Variants in ZNF791 observed in about 807,000 individuals in gnomAD.
The protein encoded by ZNF791 is zinc finger protein 791.
A neutral mutation model predicts 11.5 loss-of-function variants in ZNF791; 4 were observed. The observed-to-expected ratio is 0.35, with a 90% CI of 0.17 to 0.80. ZNF791 has a LOEUF of 0.80. Among genes scored for constraint, ZNF791 ranks in the 30% least tolerant of loss-of-function variants. ZNF791 has a pLI of 0.53. For synonymous variants in ZNF791, 212 were observed against 228.1 expected, an observed-to-expected ratio of 0.93 and a Z score of 0.64; for missense variants, 559 against 699.4, an observed-to-expected ratio of 0.80 and a Z score of 2.26.
intron 1 of ZNF791, among the ~76,000 whole-genome samples, chr19:12,622,319 CCT>C (rs2023363001): frequency 7.0e-6 from 1 of 141,952 alleles, no homozygotes; most frequent in Admixed American, 7.3e-5. Flanking sequence ...GTCAAATCCC[CCT>C]CTGTGAGAAA....
At chr19:12,611,365 G>C (rs2023153527) in intron 1 of ZNF791, among the ~76,000 whole-genome samples, 1 of 152,166 alleles carries the variant, frequency 6.6e-6, no homozygotes, top group African/African-American at 2.4e-5. Context: ...CTACAGTCTG[G>C]GGTTCCCAGT....
At chr19:12,612,330 TTACCG>T (rs1419832349) in intron 1 of ZNF791, 1 of 159,988 alleles carries the variant, frequency 6.3e-6, no homozygotes, top group Non-Finnish European at 1.3e-5. Context: ...TGAGCTACTA[TTACCG>T]GCCCAACATT....
chr19:12,613,497 C>T (rs969829396), intron 1 of ZNF791, among the ~76,000 whole-genome samples: 35 of 152,030 alleles, frequency 2.3e-4, no homozygotes, highest in African/African-American at 7.2e-4. Context: ...AGGAGAATGG[C>T]GTGGACCTGG....
At chr19:12,614,537 G>A (rs1440319223) in intron 1 of ZNF791, among the ~76,000 whole-genome samples, 2 of 151,418 alleles carry the variant, frequency 1.3e-5, no homozygotes, top group Non-Finnish European at 2.9e-5. Context: ...ACGCCAGGCC[G>A]GGGTTACGTT....
At chr19:12,621,713 T>TGGGG (rs1568288228) in intron 1 of ZNF791, among the ~76,000 whole-genome samples, 22 of 76,190 alleles carry the variant, frequency 2.9e-4, no homozygotes, top group South Asian at 6.3e-4. Context: ...AACCTCCACC[T>TGGGG]CGGTGGGGGG....
rs77716960 is a variant in ZNF791 at position 12,619,191 on chromosome 19, A to C, written c.4-4509A>C. ...ATGCTAGTATCTGAAGCTGCAGGCT[A>C]TCCGTTCCAATGGTTGTGGTGTTTA... On this transcript the variant is annotated intron_variant, in intron 1 of 3. Transcript: ENST00000343325. Among the ~76,000 whole-genome samples the C allele has an allele frequency of 9.2e-5, 14 of 152,196 alleles. No homozygotes were observed. The East Asian group carries it at 2.3e-3, about 25-fold the overall frequency.
chr19:12,624,514 C>T (rs1442466229), intron 2 of ZNF791, 136 bp from the exon 3 acceptor site: 3 of 647,990 alleles, frequency 4.6e-6, no homozygotes, highest in East Asian at 3.2e-5. Flanking sequence ...ATCACTGTTC[C>T]GAGATTTGGA....
chr19:12,624,653 A>G lies in ZNF791; in HGVS notation c.134A>G (p.Glu45Gly), dbSNP rs750019634. Reference protein sequence around the residue: ...ETFKNLASIGEKWEDPNVEDQ... With the variant: ...ETFKNLASIGGKWEDPNVEDQ... ...TTATTCTTGATCTACATTTTAGGGG[A>G]AAAATGGGAAGACCCGAATGTTGAA... Residue 45 changes from glutamate (E) to glycine (G), a missense_variant, in exon 3 of 4, where the codon GAA becomes GGA. Glu to Gly is a moderately conservative substitution (Grantham distance 98). Transcript: ENST00000343325. 1.9e-6 allele frequency: 3 copies of G among 1,600,462 alleles called. No individual in the cohort carries two copies. Among genetic ancestry groups the G allele is most frequent in the Middle Eastern group, 1.7e-4 (1 of 5,804 alleles).
intron 1 of ZNF791, among the ~76,000 whole-genome samples, chr19:12,611,743 G>A (rs548216254): frequency 6.6e-6 from 1 of 152,086 alleles, no homozygotes; most frequent in African/African-American, 2.4e-5. Context: ...CCTCATCCTG[G>A]TACCTTTCCA....
chr19:12,633,769 A>T lies in ZNF791; in HGVS notation c.*4509A>T, dbSNP rs952434641. On this transcript the variant is annotated 3_prime_UTR_variant, in exon 4 of 4. Coordinates refer to ENST00000343325, the MANE Select transcript of ZNF791 (RefSeq NM_153358.3). ...GTATGGTTCTTGTTCTGTTAATGCC[A>T]CTAGGGACTATGTATTCCTGATTCC... is the stretch of plus-strand genomic sequence containing the variant. 1 of 151,842 alleles carries T rather than the reference A, an allele frequency of 6.6e-6. No homozygotes were observed. The highest frequency in any genetic ancestry group is 1.5e-5 in the Non-Finnish European group (1 of 68,024). 9.4% of individuals were successfully genotyped at this position (151,842 alleles called of 1,614,324 possible). A position where few individuals can be genotyped will look rare whatever the true frequency, so the allele number is the denominator to read the frequency against.
intron 1 of ZNF791, among the ~76,000 whole-genome samples, chr19:12,615,030 T>TC: frequency 7.9e-6 from 1 of 127,354 alleles, no homozygotes; most frequent in Middle Eastern, 3.8e-3. Context: ...TTTTTTTTTT[T>TC]TTTTTTTGAG....
At chr19:12,614,900 T>TA (rs1470272640) in intron 1 of ZNF791, among the ~76,000 whole-genome samples, 8 of 112,600 alleles carry the variant, frequency 7.1e-5, no homozygotes, top group South Asian at 2.8e-4. Flanking sequence ...GCCTTTTTTT[T>TA]TTTTTTTTTT....
At chr19:12,614,950 C>T (rs1313549193) in intron 1 of ZNF791, among the ~76,000 whole-genome samples, 1 of 114,282 alleles carries the variant, frequency 8.8e-6, no homozygotes, top group Non-Finnish European at 1.7e-5. Context: ...CACTCTGTTG[C>T]CCAAGCTGGT....
chr19:12,622,273 C>G (rs2023362086), intron 1 of ZNF791, among the ~76,000 whole-genome samples: 2 of 143,686 alleles, frequency 1.4e-5, no homozygotes, highest in African/African-American at 2.5e-5. Flanking sequence ...ACTTGTTTAT[C>G]TGCTGACCTT....
intron 3 of ZNF791, 60 bp downstream of exon 3, chr19:12,624,770 C>T (rs2023402438): frequency 2.2e-6 from 3 of 1,381,376 alleles, no homozygotes; most frequent in Admixed American, 2.0e-5. Context: ...AATGTTATGG[C>T]CGGGCACGGT....
At chr19:12,625,560 G>A (rs572046211) in intron 3 of ZNF791, among the ~76,000 whole-genome samples, 15 of 151,162 alleles carry the variant, frequency 9.9e-5, no homozygotes, top group South Asian at 2.1e-4. Flanking sequence ...TGAGGTGGGC[G>A]GATCACCAGA....
intron 1 of ZNF791, among the ~76,000 whole-genome samples, chr19:12,618,825 G>A (rs1599322286): frequency 6.6e-6 from 1 of 150,768 alleles, no homozygotes. Flanking sequence ...GTGTGTGTGT[G>A]TGTGTGTGTG....
chr19:12,610,937 C>T lies in ZNF791; in HGVS notation c.-143C>T. ...CGCTGCGCAAATGCGTGCTACGTCA[C>T]TGTGCGATCGGGTTGTGCTTAGCTT... On this transcript the variant is annotated 5_prime_UTR_variant, in exon 1 of 4. Transcript: ENST00000343325. The T allele has an allele frequency of 8.5e-7, 1 of 1,171,484 alleles. No homozygotes were observed. The highest frequency in any genetic ancestry group is 1.3e-5 in the South Asian group (1 of 76,842). 72.6% of individuals were successfully genotyped at this position (1,171,484 alleles called of 1,614,324 possible).
intron 1 of ZNF791, among the ~76,000 whole-genome samples, chr19:12,620,319 G>A (rs940171507): frequency 1.2e-4 from 19 of 152,052 alleles, no homozygotes; most frequent in African/African-American, 4.6e-4. Context: ...GAGACCACAG[G>A]CGTGCACCAC....
Sources: allele counts gnomAD v4.1 joint callset (sites outside exome capture counted in the v4.1 genomes callset), GRCh38; gene constraint gnomAD v4.1.1; transcripts MANE v1.5; gene names NCBI Gene and HGNC (gene_info 2026-07-23, HGNC 2026-07-21).